The following CAMSAP2 variants were observed in gnomAD, a reference collection of about 807,000 sequenced individuals.
The protein encoded by CAMSAP2 is calmodulin regulated spectrin associated protein family member 2.
In CAMSAP2, 26 loss-of-function variants were observed where a neutral mutation model predicts 146.1. That is an observed-to-expected ratio of 0.18 (90% confidence interval 0.13 to 0.25). The LOEUF is 0.25. Ranked by LOEUF, CAMSAP2 falls within the 10% of genes least tolerant of loss-of-function variation. The pLI is 1.00. For missense variants in CAMSAP2, 1,381 were observed against 1,759.3 expected (o/e 0.78, Z 3.85); for synonymous variants, 499 against 596.6 (o/e 0.84, Z 2.38).
In CAMSAP2 at chr1:200,816,744, ACG is replaced by A. The variant is rs199699543; in HGVS notation, c.645+1103_645+1104del. On this transcript the variant is annotated intron_variant, in intron 4 of 16. Transcript: ENST00000358823. Reference sequence around the variant, plus strand: ...CGCACATATATGTGTGTACACACACACGCGTGTATATATGTGTGTACACACAC... The same window carrying A: ...CGCACATATATGTGTGTACACACACACGTGTATATATGTGTGTACACACAC... Among the ~76,000 whole-genome samples the A allele has an allele frequency of 3.9e-4, 31 of 80,054 alleles. 5 individuals are homozygous for A. In the East Asian group the frequency reaches 9.4e-3, roughly 24 times the overall value. The allele number at this position is 80,054 out of a possible 152,430, so 52.5% of individuals were successfully genotyped here.
At chr1:200,811,656 G>A (rs950997738) in intron 3 of CAMSAP2, among the ~76,000 whole-genome samples, 1 of 152,212 alleles carries the variant, frequency 6.6e-6, no homozygotes, top group African/African-American at 2.4e-5. Context: ...GCGGGGATTA[G>A]TGTGATGCAT....
At chr1:200,827,907 A>G (rs1666944610) in intron 4 of CAMSAP2, among the ~76,000 whole-genome samples, 1 of 152,146 alleles carries the variant, frequency 6.6e-6, no homozygotes, top group African/African-American at 2.4e-5. Context: ...TAAAGAAGAA[A>G]ATTAGATTCT....
chr1:200,752,956 G>A (rs1256788641), intron 1 of CAMSAP2, among the ~76,000 whole-genome samples: 1 of 151,828 alleles, frequency 6.6e-6, no homozygotes, highest in Non-Finnish European at 1.5e-5. Context: ...ACCTGGAATA[G>A]TTCTTCAGTC....
intron 4 of CAMSAP2, among the ~76,000 whole-genome samples, chr1:200,819,139 T>C (rs772636850): frequency 5.9e-5 from 9 of 152,202 alleles, no homozygotes; most frequent in Non-Finnish European, 1.2e-4. Context: ...TTCAAAGGTA[T>C]TTGTTTAGGG....
At chr1:200,793,288 G>A (rs1020966942) in intron 2 of CAMSAP2, among the ~76,000 whole-genome samples, 14 of 152,144 alleles carry the variant, frequency 9.2e-5, no homozygotes, top group Non-Finnish European at 1.8e-4. Flanking sequence ...ATCTAATGTG[G>A]TGCTTGACCT....
intron 7 of CAMSAP2, 42 bp downstream of exon 7, chr1:200,842,129 A>G (rs749244414): frequency 6.9e-7 from 1 of 1,443,238 alleles, no homozygotes; most frequent in Non-Finnish European, 9.7e-7. Context: ...ATGAACAGAA[A>G]AAAATGGAAT....
chr1:200,743,910 C>T (rs1008732158), intron 1 of CAMSAP2, among the ~76,000 whole-genome samples: 5 of 151,668 alleles, frequency 3.3e-5, no homozygotes, highest in Admixed American at 6.6e-5. Flanking sequence ...CATTGCATTC[C>T]AGCCTGGGCA....
At chr1:200,751,229 T>C (rs10920018) in intron 1 of CAMSAP2, among the ~76,000 whole-genome samples, 43,923 of 151,326 alleles carry the variant, frequency 0.29, 7,242 homozygotes, top group Non-Finnish European at 0.39. Flanking sequence ...TGTGTGTGTG[T>C]GCTTGCATAT....
intron 4 of CAMSAP2, 65 bp downstream of exon 4, chr1:200,815,709 A>G (rs1666463621): frequency 1.3e-6 from 1 of 786,532 alleles, no homozygotes; most frequent in Non-Finnish European, 1.9e-6. Context: ...TATTTGTATT[A>G]TTTTGGGAAA....
intron 4 of CAMSAP2, among the ~76,000 whole-genome samples, chr1:200,816,720 GCACATATATGTGTGTACACA>G (rs1666511259): frequency 1.1e-5 from 1 of 92,206 alleles, no homozygotes; most frequent in Non-Finnish European, 2.5e-5. Flanking sequence ...ATATACACAC[GCACATATATGTGTGTACACA>G]CACACGCGTG....
At chr1:200,781,849 A>T (rs1016874373) in intron 2 of CAMSAP2, among the ~76,000 whole-genome samples, 1 of 152,062 alleles carries the variant, frequency 6.6e-6, no homozygotes, top group African/African-American at 2.4e-5. Context: ...TAATCTCATG[A>T]TTACATCATG....
At chr1:200,816,900 A>C (rs1398776171) in intron 4 of CAMSAP2, among the ~76,000 whole-genome samples, 1 of 50,306 alleles carries the variant, frequency 2.0e-5, no homozygotes, top group African/African-American at 8.4e-5. Context: ...ATGTGTGTAC[A>C]CACACACGCG....
At chr1:200,808,981 T>G (rs533107604) in intron 3 of CAMSAP2, among the ~76,000 whole-genome samples, 1 of 152,364 alleles carries the variant, frequency 6.6e-6, no homozygotes, top group South Asian at 2.1e-4. Context: ...AGGCAAATAT[T>G]GCTGGAGAAA....
rs1416676045 is a variant in CAMSAP2, at chr1:200,842,097, CTTT to C, written c.1021+13_1021+15del. 6.2e-7 allele frequency: 1 copy of C among 1,601,486 alleles called. No individual in the cohort carries two copies. The highest frequency in any genetic ancestry group is 1.7e-5 in the Admixed American group (1 of 59,918). The stretch of plus-strand genomic sequence containing the variant: ...GTTCGTCCACAAGGAGGTAATCAAT[CTTT>C]TTAATTTTAAATGTTCCTATGAACA... On this transcript the variant is annotated intron_variant, in intron 7 of 16. Transcript: ENST00000358823.
chr1:200,848,635 T>C lies in CAMSAP2; in HGVS notation c.1866T>C (p.Thr622=). 2 of 1,614,134 alleles carry C rather than the reference T, an allele frequency of 1.2e-6. No individual in the cohort carries two copies. Among genetic ancestry groups the C allele is most frequent in the African/African-American group, 1.3e-5 (1 of 75,040 alleles). ...TTCCTTCAGAAGATATTCCTGAAACTATGGACGAAGATTCTTCGTTGAGAG... is the reference window on the plus strand; with the variant it reads ...TTCCTTCAGAAGATATTCCTGAAACCATGGACGAAGATTCTTCGTTGAGAG... The part of the protein sequence containing the change: ...IHVPSEDIPE[T]MDEDSSLRDY... Residue 622 remains threonine, a synonymous_variant, in exon 11 of 17, where the codon ACT becomes ACC. Coordinates refer to ENST00000358823, the MANE Select transcript of CAMSAP2 (RefSeq NM_203459.4).
At chr1:200,795,802 A>G (rs949895377) in intron 2 of CAMSAP2, among the ~76,000 whole-genome samples, 1 of 152,238 alleles carries the variant, frequency 6.6e-6, no homozygotes, top group African/African-American at 2.4e-5. Context: ...AACAGATGAA[A>G]GAGAACTCTC....
Position 200,739,749 on chromosome 1 carries a change from T to G in CAMSAP2, c.-79T>G. On this transcript the variant is annotated 5_prime_UTR_variant, in exon 1 of 17. Coordinates refer to ENST00000358823, the MANE Select transcript of CAMSAP2 (RefSeq NM_203459.4). This position sits in a 1 kb window ranked among gnomAD's most constrained non-coding sequence, Gnocchi z 4.8. ...CCGATGGTTTGAGCTTGCTTCTCCC[T>G]CCCTCCCGACCCCCGTGGTGGCGAG... 3.5e-6 allele frequency: 3 copies of G among 864,876 alleles called. No homozygotes were observed. Among genetic ancestry groups the G allele is most frequent in the South Asian group, 1.5e-5 (1 of 66,386 alleles). The allele number at this position is 864,876 out of a possible 1,614,324, so 53.6% of individuals were successfully genotyped here.
chr1:200,747,764 A>C (rs1664377194), intron 1 of CAMSAP2, among the ~76,000 whole-genome samples: 1 of 152,056 alleles, frequency 6.6e-6, no homozygotes, highest in African/African-American at 2.4e-5. Context: ...TAATCCCAGC[A>C]CTCTGGGAGG....
chr1:200,748,956 G>A (rs962667329), intron 1 of CAMSAP2, among the ~76,000 whole-genome samples: 4 of 152,010 alleles, frequency 2.6e-5, no homozygotes, highest in Non-Finnish European at 5.9e-5. Context: ...CTCTAAGTGC[G>A]TGCCATACAA....
Sources: allele counts gnomAD v4.1 joint callset (sites outside exome capture counted in the v4.1 genomes callset), GRCh38; gene constraint gnomAD v4.1.1; non-coding constraint Gnocchi (gnomAD v3.1); transcripts MANE v1.5; gene names NCBI Gene and HGNC (gene_info 2026-07-23, HGNC 2026-07-21).